The following TSC22D1 variants were observed in gnomAD, a reference collection of about 807,000 sequenced individuals.
TSC22D1 encodes the protein TSC22 domain family member 1.
TSC22D1 carries 9 observed loss-of-function variants against 74.2 expected under a neutral mutation model. The ratio of observed to expected loss-of-function variants is 0.12; its 90% CI spans 0.07 to 0.21. TSC22D1 has a LOEUF of 0.21. TSC22D1 is among the 10% of genes least tolerant of loss of function. The probability of loss-of-function intolerance (pLI) is 1.00; values close to 1 mark genes in which losing one functional copy is unlikely to be tolerated. For synonymous variants in TSC22D1, 586 were observed against 492.5 expected (o/e 1.19, Z -2.51); for missense variants, 1,427 against 1,304.7 (o/e 1.09, Z -1.44).
In TSC22D1 at chr13:44,436,081, C is replaced by T. The variant is rs1228070037; in HGVS notation, c.2927G>A (p.Ser976Asn). 1 of 1,613,516 alleles carries T rather than the reference C, an allele frequency of 6.2e-7. No individual in the cohort carries two copies. Among genetic ancestry groups the T allele is most frequent in the Non-Finnish European group, 8.5e-7 (1 of 1,179,810 alleles). ...GATTTTGTTGTCAATAGCTACCACA[C>T]TTGCACCAGAGGAGCTGAAAAAGAG... Reference protein sequence around the residue: ...DGEDESSSGASVVAIDNKIEQ... With the variant: ...DGEDESSSGANVVAIDNKIEQ... The change falls in exon 2 of 3, where the codon AGT (serine) becomes AAT (asparagine). Residue 976 changes from serine to asparagine, a missense_variant. Transcript: ENST00000458659.
At chr13:44,510,259 G>A (rs1324258445) in intron 1 of TSC22D1, among the ~76,000 whole-genome samples, 3 of 151,740 alleles carry the variant, frequency 2.0e-5, no homozygotes, top group Admixed American at 1.3e-4. Context: ...GGGCGTGGTG[G>A]CGCATGCCTA....
In TSC22D1 at chr13:44,434,201, G is replaced by C; in HGVS notation, c.*425C>G. On this transcript the variant is annotated 3_prime_UTR_variant, in exon 3 of 3. Coordinates refer to ENST00000458659, the MANE Select transcript of TSC22D1 (RefSeq NM_183422.4). Reference sequence around the variant, plus strand: ...CCTCCTTTCAAGTTCCTCCTGGGGGGAGGAGAGGAGAGAGGCGAGTCCAGT... The same window carrying C: ...CCTCCTTTCAAGTTCCTCCTGGGGGCAGGAGAGGAGAGAGGCGAGTCCAGT... 1 of 1,450,500 alleles carries C rather than the reference G, an allele frequency of 6.9e-7. No individual in the cohort carries two copies. Among genetic ancestry groups the C allele is most frequent in the Non-Finnish European group, 9.0e-7 (1 of 1,115,766 alleles). 89.9% of individuals were successfully genotyped at this position (1,450,500 alleles called of 1,614,324 possible). A position where few individuals can be genotyped will look rare whatever the true frequency, so the allele number is the denominator to read the frequency against.
chr13:44,456,250 G>C (rs1039619748), intron 1 of TSC22D1, among the ~76,000 whole-genome samples: 2 of 152,196 alleles, frequency 1.3e-5, no homozygotes, highest in Non-Finnish European at 2.9e-5. Context: ...AAGAAGACCC[G>C]AGCGGGTTGC....
At chr13:44,440,268 A>G (rs1875079768) in intron 1 of TSC22D1, among the ~76,000 whole-genome samples, 1 of 152,226 alleles carries the variant, frequency 6.6e-6, no homozygotes, top group Admixed American at 6.5e-5. Flanking sequence ...GGTTGGAAAA[A>G]GCTTCCAAAA....
chr13:44,436,817 G>A, intron 1 of TSC22D1: 3 of 1,372,834 alleles, frequency 2.2e-6, no homozygotes, highest in East Asian at 5.3e-5. Context: ...CCGTGAAGAG[G>A]CGCTTCCCAG....
At chr13:44,559,681 G>A (rs1882907482) in intron 1 of TSC22D1, among the ~76,000 whole-genome samples, 1 of 145,188 alleles carries the variant, frequency 6.9e-6, no homozygotes, top group Admixed American at 7.3e-5. Flanking sequence ...ACTGTGCCCA[G>A]CCCAAAAATT....
At chr13:44,485,355 A>C in intron 1 of TSC22D1, among the ~76,000 whole-genome samples, 1 of 152,184 alleles carries the variant, frequency 6.6e-6, no homozygotes, top group East Asian at 1.9e-4. Flanking sequence ...ATATATATGG[A>C]AAGTTCTTTT....
At position 44,445,216 on chromosome 13, in the gene TSC22D1, TACACACACACAC is replaced by T. The variant is rs55714213; in HGVS notation, c.2913-9133_2913-9122del. On this transcript the variant is annotated intron_variant, in intron 1 of 2. Coordinates refer to ENST00000458659, the MANE Select transcript of TSC22D1 (RefSeq NM_183422.4). ...TGGAACAAAACAGAGAGGTCAAAGA[TACACACACACAC>T]ACACACACACACACACACACACACA... is the stretch of plus-strand genomic sequence containing the variant. 2.2e-3 allele frequency among the ~76,000 whole-genome samples: 312 copies of T among 144,780 alleles called. 2 individuals carry two copies. Among genetic ancestry groups the T allele is most frequent in the African/African-American group, 7.1e-3 (279 of 39,398 alleles). The allele number at this position is 144,780 out of a possible 152,430, so 95.0% of individuals were successfully genotyped here.
At chr13:44,452,277 C>T (rs1876205368) in intron 1 of TSC22D1, among the ~76,000 whole-genome samples, 1 of 152,124 alleles carries the variant, frequency 6.6e-6, no homozygotes, top group Non-Finnish European at 1.5e-5. Flanking sequence ...GGCAACTACT[C>T]GAAAAAGGAA....
intron 1 of TSC22D1, among the ~76,000 whole-genome samples, chr13:44,482,413 C>T (rs1227004658): frequency 1.3e-5 from 2 of 152,150 alleles, no homozygotes; most frequent in Admixed American, 6.5e-5. Flanking sequence ...GTGGCACACA[C>T]CTGTAATCCC....
intron 1 of TSC22D1, among the ~76,000 whole-genome samples, chr13:44,465,915 G>C (rs910445116): frequency 6.6e-6 from 1 of 152,210 alleles, no homozygotes; most frequent in African/African-American, 2.4e-5. Context: ...AGAGGTTGCA[G>C]TGAGCTGAGA....
intron 1 of TSC22D1, among the ~76,000 whole-genome samples, chr13:44,468,000 G>A (rs1213124796): frequency 5.2e-5 from 6 of 115,042 alleles, no homozygotes; most frequent in Non-Finnish European, 1.2e-4. Flanking sequence ...ATACACACAC[G>A]CGCACACACA....
At position 44,574,554 on chromosome 13, in the gene TSC22D1, C is replaced by CTGTTGT. The variant is rs541782956; in HGVS notation, c.1515_1520dup (p.Gln508_Gln509dup). 3.2e-5 allele frequency: 52 copies of CTGTTGT among 1,613,916 alleles called. No homozygotes were observed. The highest frequency in any genetic ancestry group is 3.1e-4 in the African/African-American group (23 of 74,950). Reference sequence around the variant, plus strand: ...TCACACCTTGGAGAGCTGGTTGTTGCTGTTGTTGTTGTTGTTGCTGCTGCT... The same window carrying CTGTTGT: ...TCACACCTTGGAGAGCTGGTTGTTGCTGTTGTTGTTGTTGTTGTTGTTGCTGCTGCT... On this transcript the variant is annotated inframe_insertion, in exon 1 of 3. Coordinates refer to ENST00000458659, the MANE Select transcript of TSC22D1 (RefSeq NM_183422.4).
chr13:44,551,262 C>A lies in TSC22D1; in HGVS notation c.2912+21901G>T, dbSNP rs1882218817. ...CTCCAGCCTGGGTGACAGAGCAAGA[C>A]CCTGTCTCAAAAACTAAAACAAAAA... is the stretch of plus-strand genomic sequence containing the variant. On this transcript the variant is annotated intron_variant, in intron 1 of 2. Coordinates refer to ENST00000458659, the MANE Select transcript of TSC22D1 (RefSeq NM_183422.4). Among the ~76,000 whole-genome samples, 2 of 151,940 alleles carry A rather than the reference C, an allele frequency of 1.3e-5. 1 individual carries two copies. The highest frequency in any genetic ancestry group is 4.2e-4 in the South Asian group (2 of 4,812).
Position 44,434,338 on chromosome 13 carries a change from C to A in TSC22D1, c.*288G>T. On this transcript the variant is annotated 3_prime_UTR_variant, in exon 3 of 3. Coordinates refer to ENST00000458659, the MANE Select transcript of TSC22D1 (RefSeq NM_183422.4). ...GAAGGGATGGAAAGGCACACAGCTC[C>A]TGAGCATGAATTAAACCATTTCTCA... 1 of 1,378,656 alleles carries A rather than the reference C, an allele frequency of 7.3e-7. No homozygotes were observed. Among genetic ancestry groups the A allele is most frequent in the Non-Finnish European group, 9.3e-7 (1 of 1,075,858 alleles). The allele number at this position is 1,378,656 out of a possible 1,614,324, so 85.4% of individuals were successfully genotyped here.
At chr13:44,541,920 C>T (rs1322791499) in intron 1 of TSC22D1, among the ~76,000 whole-genome samples, 2 of 152,038 alleles carry the variant, frequency 1.3e-5, no homozygotes, top group African/African-American at 2.4e-5. Flanking sequence ...TATAAAAGTG[C>T]TTTAAAAATT....
chr13:44,526,178 T>G (rs1355368299), intron 1 of TSC22D1, among the ~76,000 whole-genome samples: 2 of 152,106 alleles, frequency 1.3e-5, no homozygotes, highest in Non-Finnish European at 2.9e-5. Context: ...AGTCTGAGGA[T>G]CCAAAGCAAG....
chr13:44,548,715 A>T (rs1378534857), intron 1 of TSC22D1, among the ~76,000 whole-genome samples: 3 of 152,220 alleles, frequency 2.0e-5, no homozygotes, highest in African/African-American at 7.2e-5. Context: ...ATTGAAACTA[A>T]AAAGCCCATA....
chr13:44,575,830 G>A lies in TSC22D1; in HGVS notation c.245C>T (p.Pro82Leu). 3 of 1,613,884 alleles carry A rather than the reference G, an allele frequency of 1.9e-6. No individual in the cohort carries two copies. The highest frequency in any genetic ancestry group is 2.5e-6 in the Non-Finnish European group (3 of 1,179,938). The change falls in exon 1 of 3, where the codon CCA (proline) becomes CTA (leucine). Residue 82 changes from proline (P) to leucine (L), a missense_variant. Coordinates refer to ENST00000458659, the MANE Select transcript of TSC22D1 (RefSeq NM_183422.4). ...CTGCGAAAGGAGGTTCAGGCTTTGT[G>A]GAGGCGGAGGCTGTGGTCCCGACGT... ...SSTSGPQPPP[P>L]QSLNLLSQAQ...
Sources: gnomAD v4.1 joint callset for allele counts (sites outside exome capture counted in the v4.1 genomes callset) on GRCh38, gnomAD v4.1.1 for gene constraint, MANE v1.5 for transcripts, NCBI Gene and HGNC (gene_info 2026-07-23, HGNC 2026-07-21) for gene names.